Variants in CTXND1 observed in about 807,000 individuals in gnomAD.
The protein encoded by CTXND1 is cortexin domain-containing 1 protein.
At chr15:80,231,890 G>A (rs1409055561) in intron 1 of CTXND1, among the ~76,000 whole-genome samples, 2 of 152,140 alleles carry the variant, frequency 1.3e-5, no homozygotes, top group African/African-American at 2.4e-5. Context: ...TTCCATTCAC[G>A]GTATTGTTTA....
chr15:80,216,267 A>G (rs1190088877), intron 1 of CTXND1, among the ~76,000 whole-genome samples: 1 of 152,226 alleles, frequency 6.6e-6, no homozygotes, highest in Non-Finnish European at 1.5e-5. Context: ...TCCTATTGAT[A>G]GTATTTCCCC....
Position 80,198,297 on chromosome 15 carries a change from C to T in CTXND1, c.*3473G>A, listed in dbSNP as rs1292561796. On this transcript the variant is annotated 3_prime_UTR_variant, in exon 3 of 3. Transcript: ENST00000560778. ...CAACTTAAAACTGGCCACTAGGCAC[C>T]ATTGCCTGGAAAACCCACCACCCAT... 1 of 152,292 alleles carries T rather than the reference C, an allele frequency of 6.6e-6. No individual in the cohort carries two copies. Among genetic ancestry groups the T allele is most frequent in the Non-Finnish European group, 1.5e-5 (1 of 68,110 alleles). 9.4% of individuals were successfully genotyped at this position (152,292 alleles called of 1,614,324 possible).
chr15:80,237,923 C>T (rs1595909711), intron 1 of CTXND1, among the ~76,000 whole-genome samples: 1 of 146,910 alleles, frequency 6.8e-6, no homozygotes, highest in East Asian at 2.1e-4. Context: ...GCAGGTGAAT[C>T]GCCTGAACCC....
chr15:80,239,734 C>T (rs916433300), intron 1 of CTXND1, among the ~76,000 whole-genome samples: 3 of 152,166 alleles, frequency 2.0e-5, no homozygotes, highest in Admixed American at 6.5e-5. Context: ...ATCACCAACT[C>T]GCTACAGCTC....
chr15:80,247,654 C>G (rs1458630132), intron 1 of CTXND1, among the ~76,000 whole-genome samples: 1 of 152,008 alleles, frequency 6.6e-6, no homozygotes, highest in Non-Finnish European at 1.5e-5. Context: ...AACAAGAAGA[C>G]AAATTTTAGG....
At position 80,240,612 on chromosome 15, in the gene CTXND1, T is replaced by G. The variant is rs545760575; in HGVS notation, c.-218+11395A>C. ...CTCCCGAAGACTCTTCTGGAAGTCC[T>G]AAGAACTTTCCAGACATCTGTTAAA... On this transcript the variant is annotated intron_variant, in intron 1 of 2. Coordinates refer to ENST00000560778, the MANE Select transcript of CTXND1 (RefSeq NM_001352888.2). 4.5e-4 allele frequency among the ~76,000 whole-genome samples: 69 copies of G among 152,348 alleles called. 1 individual carries two copies. In the South Asian group the frequency reaches 6.0e-3, roughly 13 times the overall value.
At chr15:80,236,409 T>A (rs1345222853) in intron 1 of CTXND1, among the ~76,000 whole-genome samples, 1 of 152,174 alleles carries the variant, frequency 6.6e-6, no homozygotes, top group African/African-American at 2.4e-5. Flanking sequence ...AATTGAGTAG[T>A]TGGGACAGAC....
chr15:80,241,390 A>AC (rs886536150), intron 1 of CTXND1, among the ~76,000 whole-genome samples: 2 of 151,908 alleles, frequency 1.3e-5, no homozygotes, highest in African/African-American at 4.8e-5. Context: ...CCTTTTCATG[A>AC]CTTTGTTCAA....
At chr15:80,222,064 T>C (rs1893325064) in intron 1 of CTXND1, among the ~76,000 whole-genome samples, 1 of 152,190 alleles carries the variant, frequency 6.6e-6, no homozygotes, top group African/African-American at 2.4e-5. Context: ...CGTAATATTC[T>C]GTTTTGGGGG....
chr15:80,218,731 C>T (rs542515941), intron 1 of CTXND1, among the ~76,000 whole-genome samples: 1 of 151,686 alleles, frequency 6.6e-6, no homozygotes, highest in Non-Finnish European at 1.5e-5. Flanking sequence ...AGTATTTCAC[C>T]CTGCTTGTTT....
At chr15:80,225,761 C>T (rs530766869) in intron 1 of CTXND1, among the ~76,000 whole-genome samples, 30 of 152,270 alleles carry the variant, frequency 2.0e-4, no homozygotes, top group Non-Finnish European at 3.7e-4. Context: ...ACTGAGCATA[C>T]CAATTAGAAT....
intron 1 of CTXND1, among the ~76,000 whole-genome samples, chr15:80,232,964 A>G (rs966586865): frequency 1.4e-4 from 19 of 131,688 alleles, no homozygotes; most frequent in African/African-American, 5.7e-4. Context: ...TTTTTTTGAG[A>G]CTGAGTCTTG....
Position 80,201,606 on chromosome 15 carries a change from C to A in CTXND1, c.*164G>T, listed in dbSNP as rs952117998. 11 of 395,400 alleles carry A rather than the reference C, an allele frequency of 2.8e-5. No homozygotes were observed. In the South Asian group the frequency reaches 5.7e-4, roughly 21 times the overall value. 24.5% of individuals were successfully genotyped at this position (395,400 alleles called of 1,614,324 possible). A position where few individuals can be genotyped will look rare whatever the true frequency, so the allele number is the denominator to read the frequency against. On this transcript the variant is annotated 3_prime_UTR_variant, in exon 3 of 3. Coordinates refer to ENST00000560778, the MANE Select transcript of CTXND1 (RefSeq NM_001352888.2). Reference sequence around the variant, plus strand: ...GGCACCCGGGCATTCCACGCTGGTGCTCGAGGGAGGGCTGAGAGGGCTAAG... The same window carrying A: ...GGCACCCGGGCATTCCACGCTGGTGATCGAGGGAGGGCTGAGAGGGCTAAG...
intron 1 of CTXND1, among the ~76,000 whole-genome samples, chr15:80,247,994 A>G (rs1893653392): frequency 6.6e-6 from 1 of 152,196 alleles, no homozygotes; most frequent in South Asian, 2.1e-4. Flanking sequence ...AACATCAGCT[A>G]TCGTAGAGGG....
chr15:80,213,582 C>T (rs1893222551), intron 1 of CTXND1, among the ~76,000 whole-genome samples: 1 of 152,018 alleles, frequency 6.6e-6, no homozygotes, highest in Non-Finnish European at 1.5e-5. Context: ...ATGATGTGGC[C>T]AGGGGCCAAG....
chr15:80,251,558 T>C (rs1300054337), intron 1 of CTXND1, among the ~76,000 whole-genome samples: 2 of 152,178 alleles, frequency 1.3e-5, no homozygotes, highest in Non-Finnish European at 2.9e-5. Context: ...CTAACTTTGA[T>C]TCAGTTTCAA....
intron 1 of CTXND1, among the ~76,000 whole-genome samples, chr15:80,225,689 T>C (rs936464022): frequency 2.2e-4 from 33 of 152,224 alleles, no homozygotes; most frequent in African/African-American, 6.8e-4. Flanking sequence ...ATTTCAAGGA[T>C]TTTTTCCTTT....
rs1179875782 is a variant in CTXND1 at position 80,251,988 on chromosome 15, A to C, written c.-218+19T>G. On this transcript the variant is annotated intron_variant, in intron 1 of 2. Transcript: ENST00000560778. ...AGGCGCCGCGGCAGCGGGTCCCGGG[A>C]TGCTCCCGCGGTCCTTACCTGGCGA... 6.6e-6 allele frequency: 1 copy of C among 151,822 alleles called. No individual in the cohort carries two copies. Among genetic ancestry groups the C allele is most frequent in the East Asian group, 1.9e-4 (1 of 5,160 alleles). The allele number at this position is 151,822 out of a possible 1,614,324, so 9.4% of individuals were successfully genotyped here. A position where few individuals can be genotyped will look rare whatever the true frequency, so the allele number is the denominator to read the frequency against.
chr15:80,204,835 A>C (rs1311665478), intron 1 of CTXND1, among the ~76,000 whole-genome samples: 1 of 152,078 alleles, frequency 6.6e-6, no homozygotes, highest in East Asian at 1.9e-4. Flanking sequence ...TTGCTGGATC[A>C]TATGGTAATC....
Sources: allele counts gnomAD v4.1 joint callset (sites outside exome capture counted in the v4.1 genomes callset), GRCh38; gene constraint gnomAD v4.1.1; transcripts MANE v1.5; gene names NCBI Gene and HGNC (gene_info 2026-07-23, HGNC 2026-07-21).